Variants in NCOA7 observed in about 807,000 individuals in gnomAD.
The protein encoded by NCOA7 is 140 kDa estrogen receptor-associated protein.
In NCOA7, 45 loss-of-function variants were observed where a neutral mutation model predicts 104.3. The ratio of observed to expected loss-of-function variants is 0.43; its 90% CI spans 0.34 to 0.55. The LOEUF (loss-of-function observed/expected upper bound fraction) is 0.55. Among genes scored for constraint, NCOA7 ranks in the 20% least tolerant of loss-of-function variants. The pLI is 0.02. For missense variants in NCOA7, 1,041 were observed against 1,119.7 expected (o/e 0.93, Z 1.00); for synonymous variants, 398 against 402.3 (o/e 0.99, Z 0.13).
At chr6:125,880,623 GT>G (rs1292746542) in intron 5 of NCOA7, among the ~76,000 whole-genome samples, 2 of 152,028 alleles carry the variant, frequency 1.3e-5, no homozygotes, top group African/African-American at 4.8e-5. Context: ...TGCCTCCTGG[GT>G]TCAAGAGATT....
chr6:125,872,401 A>G (rs1330967003), intron 3 of NCOA7, among the ~76,000 whole-genome samples: 1 of 152,230 alleles, frequency 6.6e-6, no homozygotes, highest in Non-Finnish European at 1.5e-5. Context: ...AGAAGGAAGC[A>G]TATTGTGGGC....
Position 125,889,379 on chromosome 6 carries a change from T to A in NCOA7, c.1325T>A (p.Leu442His). ...GACACCTTGAAGGAGTGCCTTTCTC[T>A]TGACCCAGAGGAACGAAAGAAAGCT... ...KKDTLKECLS[L>H]DPEERKKAES... The change falls in exon 9 of 16, where the codon CTT becomes CAT. Residue 442 changes from leucine to histidine, a missense_variant. This residue lies in a region of NCOA7 where 914 missense variants were observed against 942.7 expected (regional missense o/e 0.97). Coordinates refer to ENST00000392477, the MANE Select transcript of NCOA7 (RefSeq NM_181782.5). The A allele has an allele frequency of 6.2e-7, 1 of 1,614,004 alleles. No homozygotes were observed. The highest frequency in any genetic ancestry group is 1.1e-5 in the South Asian group (1 of 91,062).
intron 8 of NCOA7, among the ~76,000 whole-genome samples, 180 bp from the exon 9 acceptor site, chr6:125,888,759 G>GA (rs1784424498): frequency 6.6e-6 from 1 of 151,912 alleles, no homozygotes; most frequent in Non-Finnish European, 1.5e-5. Flanking sequence ...GTTTTATTTT[G>GA]AAATCAATTT....
chr6:125,788,148 T>C (rs987731064), upstream of NCOA7, among the ~76,000 whole-genome samples: 1 of 152,238 alleles, frequency 6.6e-6, no homozygotes, highest in Admixed American at 6.5e-5. Context: ...AAATTTGACC[T>C]TCTATTTAGG....
chr6:125,792,538 T>C (rs879741201), intron 1 of NCOA7, among the ~76,000 whole-genome samples: 1 of 152,234 alleles, frequency 6.6e-6, no homozygotes, highest in African/African-American at 2.4e-5. Flanking sequence ...ATTTTAGAGT[T>C]GAGTTTTTCA....
intron 4 of NCOA7, chr6:125,875,210 A>G (rs572378590): frequency 2.5e-6 from 1 of 403,150 alleles, no homozygotes; most frequent in Non-Finnish European, 4.7e-6. Flanking sequence ...CACCCTGTTG[A>G]CCACCAGCAT....
At chr6:125,832,954 T>C (rs1456685914) in intron 2 of NCOA7, among the ~76,000 whole-genome samples, 1 of 152,254 alleles carries the variant, frequency 6.6e-6, no homozygotes, top group African/African-American at 2.4e-5. Context: ...TGCCATGTGT[T>C]CTGCCCACCA....
Position 125,892,945 on chromosome 6 carries a change from A to G in NCOA7, c.2096+2135A>G, listed in dbSNP as rs545764383. Reference sequence around the variant, plus strand: ...GTGTTTCCATGTCTACCTCCCCTGAAGGGACCTACATTTTAGTTTAAGTAG... The same window carrying G: ...GTGTTTCCATGTCTACCTCCCCTGAGGGGACCTACATTTTAGTTTAAGTAG... On this transcript the variant is annotated intron_variant, in intron 10 of 15. Coordinates refer to ENST00000392477, the MANE Select transcript of NCOA7 (RefSeq NM_181782.5). Among the ~76,000 whole-genome samples the G allele has an allele frequency of 5.3e-5, 8 of 152,264 alleles. No individual in the cohort carries two copies. In the East Asian group the frequency reaches 1.5e-3, roughly 29 times the overall value.
upstream of NCOA7, among the ~76,000 whole-genome samples, chr6:125,788,246 T>G (rs568548877): frequency 6.6e-6 from 1 of 152,346 alleles, no homozygotes; most frequent in South Asian, 2.1e-4. Flanking sequence ...AATTTAAATT[T>G]AAACGGCTAC....
At chr6:125,781,246 C>T (rs1377132420) in exon 1 of NCOA7, 1 of 152,190 alleles carries the variant, frequency 6.6e-6, no homozygotes, top group African/African-American at 2.4e-5. Flanking sequence ...AGAAATCTGA[C>T]CCAAGAGACT....
intron 3 of NCOA7, among the ~76,000 whole-genome samples, chr6:125,873,454 G>A (rs1331213208): frequency 6.6e-6 from 1 of 151,962 alleles, no homozygotes; most frequent in African/African-American, 2.4e-5. Context: ...AGTTTTTCTT[G>A]ATGTAAACCT....
intron 7 of NCOA7, among the ~76,000 whole-genome samples, chr6:125,884,826 A>G (rs891019019): frequency 1.3e-5 from 2 of 152,182 alleles, no homozygotes; most frequent in African/African-American, 2.4e-5. Flanking sequence ...AGCCCCTCCC[A>G]TTTTGCAGAC....
At chr6:125,885,825 G>A (rs1233763154) in intron 8 of NCOA7, among the ~76,000 whole-genome samples, 1 of 152,142 alleles carries the variant, frequency 6.6e-6, no homozygotes, top group Non-Finnish European at 1.5e-5. Context: ...TGTAGTGGTA[G>A]CCACCTTCTC....
At chr6:125,920,798 C>A in intron 11 of NCOA7, 145 bp from the exon 12 acceptor site, 1 of 955,278 alleles carries the variant, frequency 1.0e-6, no homozygotes, top group Non-Finnish European at 1.5e-6. Flanking sequence ...AAAAATTAGC[C>A]ATTTCCCCAA....
intron 1 of NCOA7, among the ~76,000 whole-genome samples, chr6:125,782,497 T>C (rs1326893016): frequency 6.6e-6 from 1 of 152,202 alleles, no homozygotes; most frequent in African/African-American, 2.4e-5. Flanking sequence ...CATTTATAGT[T>C]TTTCTTTTAA....
chr6:125,919,624 AT>A (rs1203491714), intron 11 of NCOA7, among the ~76,000 whole-genome samples: 3 of 151,854 alleles, frequency 2.0e-5, no homozygotes, highest in Admixed American at 6.6e-5. Flanking sequence ...TCCATATTTG[AT>A]TTTTTTTCAT....
chr6:125,818,901 A>G (rs1178937408), intron 2 of NCOA7: 1 of 152,332 alleles, frequency 6.6e-6, no homozygotes, highest in Admixed American at 6.6e-5. Flanking sequence ...AGAAGGATAA[A>G]ATGTCAGGCC....
intron 10 of NCOA7, among the ~76,000 whole-genome samples, chr6:125,903,079 C>CT (rs1434803964): frequency 2.0e-5 from 3 of 152,218 alleles, no homozygotes; most frequent in Non-Finnish European, 4.4e-5. Flanking sequence ...GATGACAACT[C>CT]TATCTGCTAA....
chr6:125,809,564 A>G (rs904749630), intron 1 of NCOA7, among the ~76,000 whole-genome samples: 1 of 152,086 alleles, frequency 6.6e-6, no homozygotes, highest in Admixed American at 6.5e-5. Context: ...GAGTGTTCAA[A>G]TTTCTGACCT....
Sources: allele counts gnomAD v4.1 joint callset (sites outside exome capture counted in the v4.1 genomes callset), GRCh38; gene constraint gnomAD v4.1.1; regional missense constraint gnomAD v4.1.1; transcripts MANE v1.5; gene names NCBI Gene and HGNC (gene_info 2026-07-23, HGNC 2026-07-21).